Variants in HDAC4 observed in about 807,000 individuals in gnomAD.
HDAC4 encodes histone deacetylase A.
A neutral mutation model predicts 135.1 loss-of-function variants in HDAC4; 16 were observed. The observed-to-expected ratio is 0.12, with a 90% CI of 0.08 to 0.18. HDAC4 has a LOEUF of 0.18. Ranked by LOEUF, HDAC4 falls within the 10% of genes least tolerant of loss-of-function variation. HDAC4 has a pLI of 1.00. For synonymous variants in HDAC4, 685 were observed against 653.4 expected (o/e 1.05, Z -0.74); for missense variants, 1,143 against 1,511.8 (o/e 0.76, Z 4.05).
chr2:239,378,369 G>A (rs1427408083), intron 1 of HDAC4, among the ~76,000 whole-genome samples: 1 of 152,178 alleles, frequency 6.6e-6, no homozygotes. Flanking sequence ...CCTGGAAGAG[G>A]GAAGGCGTTG....
chr2:239,401,634 C>T, upstream of HDAC4: 1 of 250,238 alleles, frequency 4.0e-6, no homozygotes, highest in South Asian at 3.7e-5. Context: ...CCGCGGCGTC[C>T]ATCTTGGATA....
intron 26 of HDAC4, 34 bp downstream of exon 26, chr2:239,053,426 G>A (rs767200219): frequency 6.2e-7 from 1 of 1,607,016 alleles, no homozygotes; most frequent in Non-Finnish European, 8.5e-7. Context: ...GGGGCTGGGT[G>A]AGCCTGCAGG....
At chr2:239,268,960 G>A (rs1385901594) in intron 2 of HDAC4, among the ~76,000 whole-genome samples, 2 of 152,130 alleles carry the variant, frequency 1.3e-5, no homozygotes, top group Non-Finnish European at 2.9e-5. Flanking sequence ...AATCGCACTG[G>A]CAAGAAATCT....
chr2:239,237,135 G>A (rs1368734668), intron 2 of HDAC4, among the ~76,000 whole-genome samples: 2 of 152,206 alleles, frequency 1.3e-5, no homozygotes, highest in Non-Finnish European at 2.9e-5. Context: ...GGCCACTCTA[G>A]CTGCAAATAG....
At chr2:239,283,116 G>A (rs2050916570) in intron 2 of HDAC4, among the ~76,000 whole-genome samples, 1 of 152,274 alleles carries the variant, frequency 6.6e-6, no homozygotes, top group Non-Finnish European at 1.5e-5. Context: ...CACGCATGCA[G>A]GAGCAATGCT....
chr2:239,185,560 T>G (rs993627238), intron 4 of HDAC4, among the ~76,000 whole-genome samples: 5 of 152,124 alleles, frequency 3.3e-5, no homozygotes, highest in African/African-American at 1.2e-4. Flanking sequence ...AGATGCACCC[T>G]GAGGTGGGTG....
intron 4 of HDAC4, among the ~76,000 whole-genome samples, chr2:239,180,924 A>C (rs1188607349): frequency 6.6e-6 from 1 of 152,212 alleles, no homozygotes; most frequent in Non-Finnish European, 1.5e-5. Context: ...TGCAGCCTGC[A>C]GCCCACAGCC....
At chr2:239,279,269 C>T (rs963277611) in intron 2 of HDAC4, among the ~76,000 whole-genome samples, 1 of 152,216 alleles carries the variant, frequency 6.6e-6, no homozygotes, top group African/African-American at 2.4e-5. Flanking sequence ...AGGAGATGCT[C>T]ACGTCTCTGA....
chr2:239,393,229 G>T (rs968709345), intron 1 of HDAC4, among the ~76,000 whole-genome samples: 1 of 152,340 alleles, frequency 6.6e-6, no homozygotes, highest in Non-Finnish European at 1.5e-5. Context: ...GGAGGGCCTA[G>T]CCGCGCCATG....
chr2:239,317,683 G>A (rs1429404453), intron 2 of HDAC4, among the ~76,000 whole-genome samples: 1 of 152,122 alleles, frequency 6.6e-6, no homozygotes, highest in Non-Finnish European at 1.5e-5. Flanking sequence ...CATAAATAAG[G>A]AGGAAAGGAA....
intron 14 of HDAC4, among the ~76,000 whole-genome samples, chr2:239,110,314 C>T (rs2038555533): frequency 6.6e-6 from 1 of 152,212 alleles, no homozygotes; most frequent in African/African-American, 2.4e-5. Context: ...TCAAGACAAA[C>T]TAAGAAAGGA....
At chr2:239,094,087 C>G (rs1291931020) in intron 17 of HDAC4, 1 of 985,238 alleles carries the variant, frequency 1.0e-6, no homozygotes, top group East Asian at 1.1e-4. Context: ...TACACACACA[C>G]TGCACCGTTT....
At chr2:239,230,519 A>G (rs939682746) in intron 3 of HDAC4, among the ~76,000 whole-genome samples, 6 of 152,046 alleles carry the variant, frequency 3.9e-5, no homozygotes, top group Non-Finnish European at 5.9e-5. Context: ...GATCGGAGGA[A>G]AATAACCCAA....
In HDAC4 at chr2:239,059,470, G is replaced by A. The variant is rs942580934; in HGVS notation, c.3004-4637C>T. ...AGGGACAACCCCAGGGATGAAAGGGGGCCCCGGCTACAGGCAGAGCAGAGA... is the reference window on the plus strand; with the variant it reads ...AGGGACAACCCCAGGGATGAAAGGGAGCCCCGGCTACAGGCAGAGCAGAGA... On this transcript the variant is annotated intron_variant, in intron 24 of 26. Transcript: ENST00000543185. Among the ~76,000 whole-genome samples, 4 of 152,138 alleles carry A rather than the reference G, an allele frequency of 2.6e-5. No homozygotes were observed. In the South Asian group the frequency reaches 8.3e-4, roughly 32 times the overall value.
At chr2:239,109,492 T>C (rs567305990) in intron 14 of HDAC4, among the ~76,000 whole-genome samples, 19 of 152,164 alleles carry the variant, frequency 1.2e-4, no homozygotes, top group Non-Finnish European at 2.1e-4. Context: ...TGGTGCATAT[T>C]AGTTCCCATA....
At position 239,313,339 on chromosome 2, in the gene HDAC4, C is replaced by T. The variant is rs557721166; in HGVS notation, c.22+39339G>A. On this transcript the variant is annotated intron_variant, in intron 2 of 26. Coordinates refer to ENST00000543185, the MANE Select transcript of HDAC4 (RefSeq NM_001378414.1). This position sits in a 1 kb window ranked among gnomAD's most constrained non-coding sequence, Gnocchi z 5.1. ...AGCCAGGGACTAATTTTAGAAGGGG[C>T]TTTGAGGAGAAACCCAAGGGACACT... Among the ~76,000 whole-genome samples the T allele has an allele frequency of 9.2e-5, 14 of 152,270 alleles. No homozygotes were observed. In the East Asian group the frequency reaches 2.1e-3, roughly 23 times the overall value.
At chr2:239,202,985 C>T (rs771195603) in intron 3 of HDAC4, among the ~76,000 whole-genome samples, 13 of 152,186 alleles carry the variant, frequency 8.5e-5, no homozygotes, top group East Asian at 1.9e-4. Context: ...ATGTAGGCTA[C>T]GGGGTGCAGC....
chr2:239,347,585 G>A (rs532202711), intron 2 of HDAC4, among the ~76,000 whole-genome samples: 3 of 152,172 alleles, frequency 2.0e-5, no homozygotes, highest in South Asian at 2.1e-4. Flanking sequence ...GCACCATCTC[G>A]GCTCACTGCA....
intron 11 of HDAC4, among the ~76,000 whole-genome samples, chr2:239,133,025 T>C (rs950493019): frequency 6.6e-6 from 1 of 152,170 alleles, no homozygotes; most frequent in Non-Finnish European, 1.5e-5. Context: ...CCTCCCTCGT[T>C]ACACCACGGG....
Sources: gnomAD v4.1 joint callset for allele counts (sites outside exome capture counted in the v4.1 genomes callset) on GRCh38, gnomAD v4.1.1 for gene constraint, Gnocchi (gnomAD v3.1) non-coding constraint, MANE v1.5 for transcripts, NCBI Gene and HGNC (gene_info 2026-07-23, HGNC 2026-07-21) for gene names.